The following GRIK5 variants were observed in gnomAD, a reference collection of about 807,000 sequenced individuals.
GRIK5 encodes the protein glutamate ionotropic receptor kainate type subunit 5, also known as glutamate receptor ionotropic, kainate 5.
In GRIK5, 43 loss-of-function variants were observed where a neutral mutation model predicts 97.4. The ratio of observed to expected loss-of-function variants is 0.44; its 90% CI spans 0.35 to 0.57. The LOEUF (loss-of-function observed/expected upper bound fraction) is 0.57. GRIK5 is among the 20% of genes least tolerant of loss of function. The pLI is 0.01. For missense variants in GRIK5, 1,015 were observed against 1,382.0 expected (o/e 0.73, Z 4.21); for synonymous variants, 580 against 583.5 (o/e 0.99, Z 0.09).
chr19:42,004,726 ATCC>A (rs2146013852), intron 17 of GRIK5, among the ~76,000 whole-genome samples: 1 of 152,224 alleles, frequency 6.6e-6, no homozygotes, highest in Non-Finnish European at 1.5e-5. Context: ...GGCTCAAGCG[ATCC>A]TCCTACTTCA....
chr19:42,059,067 T>C (rs1361891981), intron 6 of GRIK5, among the ~76,000 whole-genome samples: 1 of 152,122 alleles, frequency 6.6e-6, no homozygotes, highest in Non-Finnish European at 1.5e-5. Flanking sequence ...GTCTTGCTCC[T>C]GTCCTGCAGC....
At chr19:42,027,989 G>A (rs1321573029) in intron 12 of GRIK5, among the ~76,000 whole-genome samples, 3 of 151,918 alleles carry the variant, frequency 2.0e-5, no homozygotes, top group Non-Finnish European at 4.4e-5. Context: ...GTGCCACCTC[G>A]CCTGGCTAAT....
At chr19:42,023,957 C>T (rs1055428783) in intron 12 of GRIK5, among the ~76,000 whole-genome samples, 2 of 152,236 alleles carry the variant, frequency 1.3e-5, no homozygotes, top group Non-Finnish European at 2.9e-5. Context: ...GAGGCCCTGG[C>T]GACCTAGGGC....
rs554619983 is a variant in GRIK5 at position 42,068,074 on chromosome 19, G to C, written c.-51+1167C>G. Among the ~76,000 whole-genome samples the C allele has an allele frequency of 7.2e-5, 11 of 152,322 alleles. 1 individual carries two copies. In the South Asian group the frequency reaches 1.9e-3, roughly 26 times the overall value. On this transcript the variant is annotated intron_variant, in intron 1 of 19. Coordinates refer to ENST00000593562, the MANE Select transcript of GRIK5 (RefSeq NM_002088.5). ...AAGAAATGGCCAAACTCTACAAAGA[G>C]AGAGGGCCAGTCGGAAAGAGAGACA...
intron 12 of GRIK5, among the ~76,000 whole-genome samples, chr19:42,037,974 C>T (rs939262412): frequency 3.3e-5 from 5 of 152,206 alleles, no homozygotes; most frequent in Non-Finnish European, 7.3e-5. Flanking sequence ...TCCAGGGGCA[C>T]GCCATCACAC....
rs747672161 is a variant in GRIK5, at chr19:42,065,431, G to C, written c.80-44C>G. On this transcript the variant is annotated intron_variant, in intron 2 of 19. Transcript: ENST00000593562. The surrounding 1 kb of genome is among the most constrained non-coding windows in gnomAD (Gnocchi z 5.8). ...TGGGGACCAGACTCCTGAGTCCTGA[G>C]GAAGGAGGGGGCTGTGGTCTTAGAC... 6.5e-7 allele frequency: 1 copy of C among 1,533,472 alleles called. No homozygotes were observed. The highest frequency in any genetic ancestry group is 1.8e-5 in the Admixed American group (1 of 54,742). 95.0% of individuals were successfully genotyped at this position (1,533,472 alleles called of 1,614,324 possible). A position where few individuals can be genotyped will look rare whatever the true frequency, so the allele number is the denominator to read the frequency against.
intron 3 of GRIK5, among the ~76,000 whole-genome samples, chr19:42,064,056 T>C (rs1269555012): frequency 6.6e-6 from 1 of 152,166 alleles, no homozygotes; most frequent in Non-Finnish European, 1.5e-5. Context: ...TTAGTCACCA[T>C]GTCCTGTCTC....
In GRIK5 at chr19:42,003,950, CA is replaced by C. The variant is rs1379974966; in HGVS notation, c.2264-268del. On this transcript the variant is annotated intron_variant, in intron 17 of 19. Coordinates refer to ENST00000593562, the MANE Select transcript of GRIK5 (RefSeq NM_002088.5). The surrounding 1 kb of genome is among the most constrained non-coding windows in gnomAD (Gnocchi z 4.2). Reference sequence around the variant, plus strand: ...GCAAGCTCCTCCCCTCGGCCACTCTCAGACACCCTCACCCCCACGGCTCTCA... The same window carrying C: ...GCAAGCTCCTCCCCTCGGCCACTCTCGACACCCTCACCCCCACGGCTCTCA... Among the ~76,000 whole-genome samples, 30 of 152,162 alleles carry C rather than the reference CA, an allele frequency of 2.0e-4. 1 individual carries two copies. Among genetic ancestry groups the C allele is most frequent in the Admixed American group, 2.0e-3 (30 of 15,288 alleles).
At position 42,002,521 on chromosome 19, in the gene GRIK5, C is replaced by A; in HGVS notation, c.2514+811G>T. 1.4e-6 allele frequency: 1 copy of A among 705,882 alleles called. No homozygotes were observed. The allele number at this position is 705,882 out of a possible 1,614,324, so 43.7% of individuals were successfully genotyped here. ...CCTTGGGCCAAGTGCAGAACACTGG[C>A]AGGCAGCTGGATGCAGAGCTGGGGT... On this transcript the variant is annotated intron_variant, in intron 19 of 19. Coordinates refer to ENST00000593562, the MANE Select transcript of GRIK5 (RefSeq NM_002088.5). The surrounding 1 kb of genome is among the most constrained non-coding windows in gnomAD (Gnocchi z 5.2).
chr19:42,064,220 G>A (rs962755763), intron 3 of GRIK5, among the ~76,000 whole-genome samples: 7 of 152,128 alleles, frequency 4.6e-5, no homozygotes, highest in Non-Finnish European at 1.0e-4. Context: ...CTCACTCCCT[G>A]GTATAGACCT....
chr19:41,998,633 T>C lies in GRIK5; in HGVS notation c.*238A>G, dbSNP rs938961142. 4.4e-5 allele frequency: 8 copies of C among 180,808 alleles called. No individual in the cohort carries two copies. Among genetic ancestry groups the C allele is most frequent in the Non-Finnish European group, 7.9e-5 (7 of 88,062 alleles). 11.2% of individuals were successfully genotyped at this position (180,808 alleles called of 1,614,324 possible). On this transcript the variant is annotated 3_prime_UTR_variant, in exon 20 of 20. Transcript: ENST00000593562. ...CCCCCGAAGTCCCCAGCCCCTGGAG[T>C]CCTCGGTTCCTGCGCCCTTCTCGCC... is the stretch of plus-strand genomic sequence containing the variant.
intron 15 of GRIK5, among the ~76,000 whole-genome samples, chr19:42,016,719 T>G (rs2075629008): frequency 2.0e-5 from 3 of 152,136 alleles, no homozygotes; most frequent in Admixed American, 2.0e-4. Context: ...AGTATGCGCA[T>G]AGCATGGGAA....
At chr19:42,041,477 G>A (rs528133495) in intron 12 of GRIK5, among the ~76,000 whole-genome samples, 2 of 152,258 alleles carry the variant, frequency 1.3e-5, no homozygotes, top group South Asian at 2.1e-4. Flanking sequence ...CCCACGTCCC[G>A]TAACCCTCAC....
intron 15 of GRIK5, among the ~76,000 whole-genome samples, chr19:42,019,956 C>A (rs1287492553): frequency 1.3e-5 from 2 of 149,992 alleles, no homozygotes; most frequent in African/African-American, 4.9e-5. Context: ...CAATAGGAAA[C>A]AAACAGAGCT....
intron 17 of GRIK5, among the ~76,000 whole-genome samples, chr19:42,004,677 A>G (rs782448863): frequency 1.3e-5 from 2 of 152,220 alleles, no homozygotes; most frequent in Non-Finnish European, 2.9e-5. Flanking sequence ...GCTGGCATAC[A>G]GTGGCATGAT....
intron 12 of GRIK5, among the ~76,000 whole-genome samples, chr19:42,040,587 G>A (rs949071078): frequency 3.3e-5 from 5 of 152,100 alleles, no homozygotes; most frequent in Non-Finnish European, 7.4e-5. Flanking sequence ...GCTGGGTGTG[G>A]TGTCTCATAC....
In GRIK5 at chr19:42,021,386, G is replaced by A. The variant is rs1433610303; in HGVS notation, c.1786C>T (p.Leu596=). 1.2e-6 allele frequency: 2 copies of A among 1,613,294 alleles called. No individual in the cohort carries two copies. The highest frequency in any genetic ancestry group is 1.7e-6 in the Non-Finnish European group (2 of 1,179,632). The part of the protein sequence containing the change: ...LENQYTLGNS[L]WFPVGGFMQQ... ...ATGAAGCCCCCCACGGGAAACCACA[G>A]GCTGTTGCCCAGCGTGTACTGGTTC... Residue 596 remains leucine, a synonymous_variant, in exon 15 of 20, where the codon CTG becomes TTG. Transcript: ENST00000593562. This position sits in a 1 kb window ranked among gnomAD's most constrained non-coding sequence, Gnocchi z 4.2.
In GRIK5 at chr19:42,021,604, A is replaced by G. The variant is rs1218827949; in HGVS notation, c.1698-130T>C. On this transcript the variant is annotated intron_variant, in intron 14 of 19. Coordinates refer to ENST00000593562, the MANE Select transcript of GRIK5 (RefSeq NM_002088.5). The surrounding 1 kb of genome is among the most constrained non-coding windows in gnomAD (Gnocchi z 4.2). ...TGGAAAAAGGAGCAAGATGGACAGA[A>G]GCACACAGAGAAAAGGCAGAGAGAG... The G allele has an allele frequency of 7.2e-6, 5 of 695,838 alleles. No homozygotes were observed. The highest frequency in any genetic ancestry group is 1.2e-5 in the Non-Finnish European group (5 of 424,536). 43.1% of individuals were successfully genotyped at this position (695,838 alleles called of 1,614,324 possible).
intron 15 of GRIK5, among the ~76,000 whole-genome samples, chr19:42,018,052 G>A (rs1437243483): frequency 2.0e-5 from 3 of 149,726 alleles, no homozygotes; most frequent in Admixed American, 6.8e-5. Flanking sequence ...GGTGGCTCAC[G>A]CCTGTAATCC....
Sources: gnomAD v4.1 joint callset for allele counts (sites outside exome capture counted in the v4.1 genomes callset) on GRCh38, gnomAD v4.1.1 for gene constraint, Gnocchi (gnomAD v3.1) non-coding constraint, MANE v1.5 for transcripts, NCBI Gene and HGNC (gene_info 2026-07-23, HGNC 2026-07-21) for gene names.